RSF1: variants seen among roughly 807,000 people sequenced by gnomAD.
RSF1 encodes HBV pX-associated protein 8.
Under a neutral mutation model 145.2 loss-of-function variants are expected in RSF1, and 13 were observed. The observed-to-expected ratio is 0.09, with a 90% CI of 0.06 to 0.14. RSF1 has a LOEUF of 0.14. RSF1 is among the 10% of genes least tolerant of loss of function. RSF1 has a pLI of 1.00. For synonymous variants in RSF1, 577 were observed against 592.6 expected (o/e 0.97, Z 0.38); for missense variants, 1,517 against 1,718.2 (o/e 0.88, Z 2.07).
At chr11:77,714,802 A>C (rs1960767607) in intron 5 of RSF1, among the ~76,000 whole-genome samples, 1 of 151,886 alleles carries the variant, frequency 6.6e-6, no homozygotes, top group African/African-American at 2.4e-5. Context: ...TGTTTGAGCC[A>C]CTCAACTCTA....
upstream of RSF1, among the ~76,000 whole-genome samples, chr11:77,825,708 T>C (rs1370897759): frequency 6.6e-6 from 1 of 151,902 alleles, no homozygotes; most frequent in Non-Finnish European, 1.5e-5. Context: ...GTTTTTTTTT[T>C]TTTGAGTCAG....
chr11:77,764,716 T>C (rs1424433879), intron 1 of RSF1, 27 bp from the exon 2 acceptor site: 1 of 1,297,314 alleles, frequency 7.7e-7, no homozygotes, highest in Non-Finnish European at 1.1e-6. Flanking sequence ...AAAATATCAT[T>C]AGCCAACAAA....
intron 9 of RSF1, among the ~76,000 whole-genome samples, chr11:77,686,844 T>A (rs1469428494): frequency 6.6e-6 from 1 of 152,150 alleles, no homozygotes; most frequent in African/African-American, 2.4e-5. Context: ...AAAGACCACA[T>A]TATATACTTC....
At chr11:77,812,116 T>C (rs1262748027) in intron 1 of RSF1, among the ~76,000 whole-genome samples, 1 of 152,040 alleles carries the variant, frequency 6.6e-6, no homozygotes, top group African/African-American at 2.4e-5. Context: ...GAGGTAGAGG[T>C]TGCAGTCAGC....
chr11:77,786,213 C>A (rs905008312), intron 1 of RSF1, among the ~76,000 whole-genome samples: 3 of 152,072 alleles, frequency 2.0e-5, no homozygotes, highest in African/African-American at 7.2e-5. Flanking sequence ...TACCATCATG[C>A]TTCCCATTAA....
intron 1 of RSF1, among the ~76,000 whole-genome samples, chr11:77,787,105 A>G (rs572602601): frequency 3.7e-4 from 56 of 152,282 alleles, no homozygotes; most frequent in Non-Finnish European, 7.2e-4. Flanking sequence ...GTCTTTAGCA[A>G]AGGACTGAGC....
At chr11:77,759,214 T>C (rs752776888) in intron 2 of RSF1, among the ~76,000 whole-genome samples, 9 of 152,302 alleles carry the variant, frequency 5.9e-5, no homozygotes, top group Middle Eastern at 3.4e-3. Flanking sequence ...CAAAAGATAT[T>C]TGTAAAATAC....
intron 1 of RSF1, among the ~76,000 whole-genome samples, chr11:77,770,409 C>T (rs1948270646): frequency 1.3e-5 from 2 of 152,198 alleles, no homozygotes; most frequent in Admixed American, 1.3e-4. Context: ...GAGCCCAGAT[C>T]GTGCCACTGC....
At chr11:77,753,932 C>A (rs974329865) in intron 2 of RSF1, among the ~76,000 whole-genome samples, 1 of 152,206 alleles carries the variant, frequency 6.6e-6, no homozygotes, top group Non-Finnish European at 1.5e-5. Context: ...GCACCCCCAA[C>A]CAATAAGCAG....
Position 77,666,241 on chromosome 11 carries a change from G to T in RSF1, c.*676C>A, listed in dbSNP as rs184834010. 6.6e-6 allele frequency: 1 copy of T among 152,374 alleles called. No individual in the cohort carries two copies. The highest frequency in any genetic ancestry group is 1.9e-4 in the East Asian group (1 of 5,186). The allele number at this position is 152,374 out of a possible 1,614,324, so 9.4% of individuals were successfully genotyped here. A position where few individuals can be genotyped will look rare whatever the true frequency, so the allele number is the denominator to read the frequency against. On this transcript the variant is annotated 3_prime_UTR_variant, in exon 16 of 16. Transcript: ENST00000308488. ...TTTACTGTACAAATGCTTTTCAGATGATTTTATTTTTTTTTAAACAAGAAA... is the reference window on the plus strand; with the variant it reads ...TTTACTGTACAAATGCTTTTCAGATTATTTTATTTTTTTTTAAACAAGAAA...
intron 1 of RSF1, among the ~76,000 whole-genome samples, chr11:77,770,882 T>C (rs188904250): frequency 3.3e-5 from 5 of 152,320 alleles, no homozygotes; most frequent in Admixed American, 3.3e-4. Flanking sequence ...ACAAGGCCTC[T>C]ATAAGATGAA....
chr11:77,668,634 T>C (rs1310842503), intron 15 of RSF1, among the ~76,000 whole-genome samples: 1 of 152,246 alleles, frequency 6.6e-6, no homozygotes, highest in African/African-American at 2.4e-5. Context: ...CATAGACTTT[T>C]TTCTTGTCAT....
intron 5 of RSF1, chr11:77,702,805 G>C: frequency 5.1e-6 from 1 of 195,058 alleles, no homozygotes; most frequent in East Asian, 1.2e-4. Context: ...TCAAGAGATG[G>C]CTTAAAAACA....
intron 1 of RSF1, among the ~76,000 whole-genome samples, chr11:77,802,300 C>T (rs1460016535): frequency 6.6e-6 from 1 of 152,098 alleles, no homozygotes; most frequent in Non-Finnish European, 1.5e-5. Flanking sequence ...CCCTTGGAAC[C>T]CAATACTTGC....
chr11:77,782,538 C>A (rs143590549), intron 1 of RSF1, among the ~76,000 whole-genome samples: 336 of 148,914 alleles, frequency 2.3e-3, no homozygotes, highest in African/African-American at 7.5e-3. Context: ...GAGAATCCGT[C>A]TCAAAAAAAA....
intron 7 of RSF1, among the ~76,000 whole-genome samples, chr11:77,695,708 A>G (rs1161818482): frequency 3.9e-5 from 6 of 152,126 alleles, no homozygotes. Context: ...TTACTGGATA[A>G]TGGTACTTAG....
At chr11:77,691,944 G>C (rs1844979899) in intron 8 of RSF1, among the ~76,000 whole-genome samples, 1 of 152,172 alleles carries the variant, frequency 6.6e-6, no homozygotes, top group African/African-American at 2.4e-5. Context: ...AGGCTGGCGT[G>C]CAGTGGCACA....
At chr11:77,691,067 A>G in intron 9 of RSF1, 92 bp downstream of exon 9, 2 of 1,283,630 alleles carry the variant, frequency 1.6e-6, no homozygotes, top group South Asian at 1.3e-5. Flanking sequence ...CAGTATGCCA[A>G]TCCTTGTTTT....
At chr11:77,804,980 A>G (rs1191025894) in intron 1 of RSF1, among the ~76,000 whole-genome samples, 2 of 152,190 alleles carry the variant, frequency 1.3e-5, no homozygotes, top group Non-Finnish European at 2.9e-5. Context: ...TCTCATCTAC[A>G]ATGAACTAAA....
Sources: allele counts gnomAD v4.1 joint callset (sites outside exome capture counted in the v4.1 genomes callset), GRCh38; gene constraint gnomAD v4.1.1; transcripts MANE v1.5; gene names NCBI Gene and HGNC (gene_info 2026-07-23, HGNC 2026-07-21).